The following SNRNP200 variants were observed in gnomAD, a reference collection of about 807,000 sequenced individuals.
SNRNP200 encodes small nuclear ribonucleoprotein U5 subunit 200.
Under a neutral mutation model 255.2 loss-of-function variants are expected in SNRNP200, and 66 were observed. The observed-to-expected ratio is 0.26, with a 90% CI of 0.21 to 0.32. The LOEUF is 0.32. Among genes scored for constraint, SNRNP200 ranks in the 10% least tolerant of loss-of-function variants. The pLI is 1.00. For missense variants in SNRNP200, 1,585 were observed against 2,749.8 expected, an observed-to-expected ratio of 0.58 and a Z score of 9.47; for synonymous variants, 939 against 1,027.8, an observed-to-expected ratio of 0.91 and a Z score of 1.65.
chr2:96,279,392 G>T, intron 36 of SNRNP200, 59 bp downstream of exon 36: 1 of 1,078,380 alleles, frequency 9.3e-7, no homozygotes, highest in Non-Finnish European at 1.4e-6. Flanking sequence ...TCAAAAGAAA[G>T]ATTAAAGAAT....
intron 36 of SNRNP200, 151 bp from the exon 37 acceptor site, chr2:96,279,149 G>C (rs1684718022): frequency 1.4e-6 from 1 of 708,920 alleles, no homozygotes; most frequent in South Asian, 1.6e-5. Context: ...TGCATCACTG[G>C]TGACAATACG....
chr2:96,303,492 G>T (rs2063965974), intron 2 of SNRNP200, among the ~76,000 whole-genome samples, 162 bp from the exon 3 acceptor site: 1 of 152,182 alleles, frequency 6.6e-6, no homozygotes, highest in Non-Finnish European at 1.5e-5. Flanking sequence ...TTAATCACTT[G>T]CAGGAGTATT....
rs763653564 is a variant in SNRNP200 at position 96,289,889 on chromosome 2, G to T, written c.2850C>A (p.Asp950Glu). The change falls in exon 21 of 45, where the codon GAC becomes GAA. Residue 950 changes from aspartate to glutamate, a missense_variant. Around this residue, in one of 9 missense-constraint regions of SNRNP200, gnomAD observed 719 missense variants for 1,091.1 expected, o/e 0.66. Coordinates refer to ENST00000323853, the MANE Select transcript of SNRNP200 (RefSeq NM_014014.5). ...TATGAACCAGATCTAGTCGGCGCTGGTCCAGCAGGGGATCTCCCTTGAGGT... is the reference window on the plus strand; with the variant it reads ...TATGAACCAGATCTAGTCGGCGCTGTTCCAGCAGGGGATCTCCCTTGAGGT... ...HDDLKGDPLLDQRRLDLVHTA... is the reference protein window; with the variant it reads ...HDDLKGDPLLEQRRLDLVHTA... The T allele has an allele frequency of 6.2e-7, 1 of 1,614,172 alleles. No individual in the cohort carries two copies. The highest frequency in any genetic ancestry group is 8.5e-7 in the Non-Finnish European group (1 of 1,180,028).
At position 96,277,427 on chromosome 2, in the gene SNRNP200, A is replaced by C; in HGVS notation, c.5931+112T>G. 7.3e-7 allele frequency: 1 copy of C among 1,372,214 alleles called. No homozygotes were observed. Among genetic ancestry groups the C allele is most frequent in the Non-Finnish European group, 1.0e-6 (1 of 968,724 alleles). 85.0% of individuals were successfully genotyped at this position (1,372,214 alleles called of 1,614,324 possible). On this transcript the variant is annotated intron_variant, in intron 41 of 44. Coordinates refer to ENST00000323853, the MANE Select transcript of SNRNP200 (RefSeq NM_014014.5). This position sits in a 1 kb window ranked among gnomAD's most constrained non-coding sequence, Gnocchi z 4.4. ...CTCAACAGGGAGCACCTTCGGAGGA[A>C]CCATAACTAAAAGTTTAACTTACTG...
In SNRNP200 at chr2:96,278,578, G is replaced by A. The variant is rs148995951; in HGVS notation, c.5457C>T (p.Ala1819=). 1.4e-5 allele frequency: 22 copies of A among 1,614,026 alleles called. No individual in the cohort carries two copies. In the African/African-American group the frequency reaches 1.5e-4, roughly 11 times the overall value. The change falls in exon 38 of 45, where the codon GCC becomes GCT. Residue 1819 remains alanine, a synonymous_variant. Coordinates refer to ENST00000323853, the MANE Select transcript of SNRNP200 (RefSeq NM_014014.5). This position sits in a 1 kb window ranked among gnomAD's most constrained non-coding sequence, Gnocchi z 6.9. ...TGGTGTAGTTGATGTAATAGTAGGC[G>A]GCGATCATGCCTAGGTTCAGAGGCG... is the stretch of plus-strand genomic sequence containing the variant. ...DVAPLNLGMI[A]AYYYINYTTI... is the part of the protein sequence containing the mutation.
At chr2:96,276,562 C>A in intron 43 of SNRNP200, 1 of 354,398 alleles carries the variant, frequency 2.8e-6, no homozygotes, top group Non-Finnish European at 5.5e-6. Context: ...GCTGGGACTA[C>A]AGGTGCCCAC....
chr2:96,280,848 C>CTTTT (rs985439781), intron 35 of SNRNP200, among the ~76,000 whole-genome samples: 4 of 114,848 alleles, frequency 3.5e-5, no homozygotes, highest in Non-Finnish European at 3.6e-5. Context: ...ACACCTGGCC[C>CTTTT]TTTTTTTTTT....
intron 43 of SNRNP200, 43 bp from the exon 44 acceptor site, chr2:96,275,392 A>AT: frequency 1.3e-6 from 2 of 1,530,724 alleles, no homozygotes; most frequent in Non-Finnish European, 1.8e-6. Flanking sequence ...GTAAAACTTG[A>AT]TGACCATAGG....
At chr2:96,285,448 G>A (rs1254921949) in intron 29 of SNRNP200, 108 bp from the exon 30 acceptor site, 32 of 1,317,480 alleles carry the variant, frequency 2.4e-5, no homozygotes, top group Non-Finnish European at 3.2e-5. Flanking sequence ...ATGAAGTCAG[G>A]CAGTTCTGGA....
chr2:96,291,525 T>C lies in SNRNP200; in HGVS notation c.2311-23A>G. 1.3e-6 allele frequency: 2 copies of C among 1,505,476 alleles called. No individual in the cohort carries two copies. Among genetic ancestry groups the C allele is most frequent in the Non-Finnish European group, 1.8e-6 (2 of 1,081,142 alleles). 93.3% of individuals were successfully genotyped at this position (1,505,476 alleles called of 1,614,324 possible). ...GTTCTGTGGAACAAAGAACCGGGGA[T>C]GAGGCGAGCCTTCCTGTAGGACTCA... On this transcript the variant is annotated intron_variant, in intron 17 of 44. Transcript: ENST00000323853. The surrounding 1 kb of genome is among the most constrained non-coding windows in gnomAD (Gnocchi z 4.2).
At position 96,286,389 on chromosome 2, in the gene SNRNP200, C is replaced by T; in HGVS notation, c.3925G>A (p.Val1309Met). ...TELLDLQPLP[V>M]SALRNSAFES... ...AAGGCACTGTTTCTCAGAGCAGACA[C>T]GGGCAAGGGCTGCAGGTCCAAAAGT... The change falls in exon 29 of 45, where the codon GTG (valine) becomes ATG (methionine). Residue 1309 changes from valine to methionine, a missense_variant. Transcript: ENST00000323853. The surrounding 1 kb of genome is among the most constrained non-coding windows in gnomAD (Gnocchi z 4.8). The T allele has an allele frequency of 2.5e-6, 4 of 1,614,164 alleles. No homozygotes were observed. Among genetic ancestry groups the T allele is most frequent in the Non-Finnish European group, 3.4e-6 (4 of 1,180,032 alleles).
At chr2:96,285,384 G>T (rs2063838178) in intron 29 of SNRNP200, 44 bp from the exon 30 acceptor site, 3 of 1,599,096 alleles carry the variant, frequency 1.9e-6, no homozygotes, top group South Asian at 2.2e-5. Context: ...CAAGAAGGAA[G>T]AAGAGACGGA....
chr2:96,293,092 G>C lies in SNRNP200; in HGVS notation c.2040C>G (p.Phe680Leu). The C allele has an allele frequency of 6.2e-7, 1 of 1,614,202 alleles. No homozygotes were observed. Among genetic ancestry groups the C allele is most frequent in the Non-Finnish European group, 8.5e-7 (1 of 1,180,034 alleles). Residue 680 changes from phenylalanine (F) to leucine (L), a missense_variant, in exon 16 of 45, where the codon TTC becomes TTG. Coordinates refer to ENST00000323853, the MANE Select transcript of SNRNP200 (RefSeq NM_014014.5). Reference sequence around the variant, plus strand: ...ATGTCTGTTCCAGAGGCACTGGACGGAAGCTAGAAGTTCAACAGTTAGACA... The same window carrying C: ...ATGTCTGTTCCAGAGGCACTGGACGCAAGCTAGAAGTTCAACAGTTAGACA... ...AKGLFYFDNS[F>L]RPVPLEQTYV...
intron 34 of SNRNP200, chr2:96,282,275 C>T (rs1192474250): frequency 3.8e-6 from 1 of 266,134 alleles, no homozygotes; most frequent in African/African-American, 2.2e-5. Context: ...AAACAGAGAT[C>T]ACTCTAAGCA....
intron 31 of SNRNP200, 109 bp downstream of exon 31, chr2:96,284,249 T>C: frequency 9.9e-7 from 1 of 1,006,338 alleles, no homozygotes; most frequent in Non-Finnish European, 1.6e-6. Flanking sequence ...GGTAGAATCC[T>C]CTGGGGAGAA....
intron 30 of SNRNP200, 165 bp downstream of exon 30, chr2:96,285,015 G>A (rs928292044): frequency 2.5e-6 from 2 of 806,352 alleles, no homozygotes; most frequent in Non-Finnish European, 4.2e-6. Context: ...CTCCCAAAGT[G>A]CTGGGATTAC....
Position 96,278,028 on chromosome 2 carries a change from G to C in SNRNP200, c.5611-78C>G. ...CCAGCTCAGGCCAAAGCACCACGTG[G>C]CCCAGGCTCACACAGCCCTTCAACA... On this transcript the variant is annotated intron_variant, in intron 39 of 44. Coordinates refer to ENST00000323853, the MANE Select transcript of SNRNP200 (RefSeq NM_014014.5). The surrounding 1 kb of genome is among the most constrained non-coding windows in gnomAD (Gnocchi z 6.9). 1 of 1,599,486 alleles carries C rather than the reference G, an allele frequency of 6.3e-7. No individual in the cohort carries two copies. Among genetic ancestry groups the C allele is most frequent in the Non-Finnish European group, 8.6e-7 (1 of 1,167,512 alleles).
In SNRNP200 at chr2:96,296,975, A is replaced by G; in HGVS notation, c.1473T>C (p.Ala491=). The change falls in exon 12 of 45, where the codon GCT becomes GCC. Residue 491 remains alanine (A), a synonymous_variant. Transcript: ENST00000323853. ...GCAGATTCTCATCCGTCTCAAGGGC[A>G]GCACGGTAGAGCTTACTCTGGATCC... is the stretch of plus-strand genomic sequence containing the variant. ...LNRIQSKLYR[A]ALETDENLLL... 1 of 1,614,252 alleles carries G rather than the reference A, an allele frequency of 6.2e-7. No homozygotes were observed. The highest frequency in any genetic ancestry group is 1.6e-4 in the Middle Eastern group (1 of 6,062).
chr2:96,287,975 C>A lies in SNRNP200; in HGVS notation c.3259-6G>T. 5.0e-6 allele frequency: 8 copies of A among 1,613,876 alleles called. No individual in the cohort carries two copies. Among genetic ancestry groups the A allele is most frequent in the Non-Finnish European group, 6.8e-6 (8 of 1,179,742 alleles). ...CGCATCAACCGGCCAGCCGACTAAGCAAAGAAGCAGCATTCCCACTGTTAA... is the reference window on the plus strand; with the variant it reads ...CGCATCAACCGGCCAGCCGACTAAGAAAAGAAGCAGCATTCCCACTGTTAA... On this transcript the variant is annotated splice_region_variant and splice_polypyrimidine_tract_variant and intron_variant, in intron 24 of 44. Transcript: ENST00000323853. This position sits in a 1 kb window ranked among gnomAD's most constrained non-coding sequence, Gnocchi z 5.7.
Sources: gnomAD v4.1 joint callset for allele counts (sites outside exome capture counted in the v4.1 genomes callset) on GRCh38, gnomAD v4.1.1 for gene constraint, gnomAD v4.1.1 regional missense constraint, Gnocchi (gnomAD v3.1) non-coding constraint, MANE v1.5 for transcripts, NCBI Gene and HGNC (gene_info 2026-07-23, HGNC 2026-07-21) for gene names.